F13A1: variants seen among roughly 807,000 people sequenced by gnomAD.
The protein encoded by F13A1 is coagulation factor XIII A chain.
F13A1 carries 47 observed loss-of-function variants against 80.1 expected under a neutral mutation model. The ratio of observed to expected loss-of-function variants is 0.59; its 90% CI spans 0.46 to 0.75. F13A1 has a LOEUF of 0.75. F13A1 is among the 30% of genes least tolerant of loss of function. The probability of loss-of-function intolerance (pLI) is 0.00; values close to 1 mark genes in which losing one functional copy is unlikely to be tolerated. For synonymous variants in F13A1, 349 were observed against 344.9 expected (o/e 1.01, Z -0.13); for missense variants, 817 against 930.4 (o/e 0.88, Z 1.59).
chr6:6,157,632 A>G (rs1760499228), intron 13 of F13A1, among the ~76,000 whole-genome samples: 1 of 152,220 alleles, frequency 6.6e-6, no homozygotes, highest in African/African-American at 2.4e-5. Flanking sequence ...TCTATGCCAG[A>G]GTAAAATGTG....
intron 4 of F13A1, among the ~76,000 whole-genome samples, chr6:6,263,214 G>A (rs900778072): frequency 2.0e-5 from 3 of 152,086 alleles, no homozygotes; most frequent in Non-Finnish European, 2.9e-5. Flanking sequence ...GCCATCTCCC[G>A]CCGTCTCTAC....
chr6:6,284,777 C>T (rs546195822), intron 3 of F13A1, among the ~76,000 whole-genome samples: 4 of 152,326 alleles, frequency 2.6e-5, no homozygotes, highest in South Asian at 4.1e-4. Context: ...GTACATACTT[C>T]GTAGCCCTCT....
At chr6:6,248,001 T>G (rs1181165429) in intron 6 of F13A1, among the ~76,000 whole-genome samples, 1 of 152,230 alleles carries the variant, frequency 6.6e-6, no homozygotes, top group African/African-American at 2.4e-5. Context: ...GTCATTGACA[T>G]TTTTGTCATG....
intron 11 of F13A1, among the ~76,000 whole-genome samples, chr6:6,179,221 G>A (rs1760936183): frequency 6.6e-6 from 1 of 152,174 alleles, no homozygotes; most frequent in African/African-American, 2.4e-5. Context: ...TGTTATCAAA[G>A]AAGATATATT....
intron 7 of F13A1, among the ~76,000 whole-genome samples, chr6:6,223,563 G>A (rs928184616): frequency 6.6e-6 from 1 of 152,038 alleles, no homozygotes; most frequent in African/African-American, 2.4e-5. Context: ...CTATACTTTT[G>A]ATTTTCATTG....
chr6:6,219,339 A>C (rs1757154794), intron 8 of F13A1, among the ~76,000 whole-genome samples: 1 of 131,904 alleles, frequency 7.6e-6, no homozygotes, highest in African/African-American at 2.9e-5. Context: ...CCTCACCCTC[A>C]CCCTTCCTCA....
intron 3 of F13A1, among the ~76,000 whole-genome samples, chr6:6,299,347 C>T (rs1371822466): frequency 1.2e-4 from 15 of 126,870 alleles, no homozygotes; most frequent in Admixed American, 3.2e-4. Context: ...AGAGTGTTTT[C>T]CAACTTGGTT....
Position 6,218,050 on chromosome 6 carries a change from G to A in F13A1, c.1112+3983C>T, listed in dbSNP as rs114012585. On this transcript the variant is annotated intron_variant, in intron 8 of 14. Transcript: ENST00000264870. ...CTCCCCCTGTGGGTGGGTGCATTCC[G>A]GTGGGGAAAAGCTGAGAGGAGGACA... 4.1e-3 allele frequency among the ~76,000 whole-genome samples: 627 copies of A among 152,224 alleles called. 2 individuals carry two copies. The highest frequency in any genetic ancestry group is 6.6e-3 in the Non-Finnish European group (449 of 68,008).
intron 14 of F13A1, among the ~76,000 whole-genome samples, chr6:6,149,975 G>A (rs1037215938): frequency 1.3e-5 from 2 of 152,198 alleles, no homozygotes; most frequent in African/African-American, 2.4e-5. Context: ...TTTTGAGCCT[G>A]AGGCCTCCCA....
intron 2 of F13A1, among the ~76,000 whole-genome samples, chr6:6,318,206 G>T (rs919302329): frequency 1.3e-5 from 2 of 152,196 alleles, no homozygotes; most frequent in Non-Finnish European, 2.9e-5. Context: ...ATTCTCTAAA[G>T]CATTGAGCAG....
intron 8 of F13A1, among the ~76,000 whole-genome samples, chr6:6,211,392 C>T (rs1053158865): frequency 5.9e-5 from 9 of 152,136 alleles, no homozygotes. Flanking sequence ...ATATGGTTAA[C>T]AAGAAAATGT....
At chr6:6,149,138 G>A (rs1301897182) in intron 14 of F13A1, among the ~76,000 whole-genome samples, 1 of 152,128 alleles carries the variant, frequency 6.6e-6, no homozygotes, top group African/African-American at 2.4e-5. Context: ...AAGTTCTGGT[G>A]TTCTATTGCA....
chr6:6,178,662 C>T (rs563373368), intron 11 of F13A1, among the ~76,000 whole-genome samples: 189 of 151,688 alleles, frequency 1.2e-3, no homozygotes, highest in Non-Finnish European at 2.1e-3. Flanking sequence ...GAATGGAGCC[C>T]AAGGATAGAT....
intron 13 of F13A1, among the ~76,000 whole-genome samples, chr6:6,157,403 A>T (rs1246525064): frequency 6.6e-6 from 1 of 151,770 alleles, no homozygotes; most frequent in African/African-American, 2.4e-5. Flanking sequence ...CTATACTGTG[A>T]TCCCTGACAG....
Position 6,197,243 on chromosome 6 carries a change from G to A in F13A1, c.1196C>T (p.Thr399Ile). Residue 399 changes from threonine (T) to isoleucine (I), a missense_variant, in exon 9 of 15, where the codon ACC becomes ATC. Coordinates refer to ENST00000264870, the MANE Select transcript of F13A1 (RefSeq NM_000129.4). ...TTTACCATCGCTATTTTCCTGGGGG[G>A]TGCTGTCCACAGCTTGCCAGCCTCC... The part of the protein sequence containing the change: ...GFGGWQAVDS[T>I]PQENSDGMYR... The A allele has an allele frequency of 6.2e-7, 1 of 1,614,114 alleles. No individual in the cohort carries two copies. The highest frequency in any genetic ancestry group is 8.5e-7 in the Non-Finnish European group (1 of 1,179,986).
intron 10 of F13A1, among the ~76,000 whole-genome samples, chr6:6,182,835 C>G (rs1005079534): frequency 6.6e-6 from 1 of 152,150 alleles, no homozygotes; most frequent in Non-Finnish European, 1.5e-5. Context: ...AAATCAGTCC[C>G]CATCTGTTTC....
intron 14 of F13A1, among the ~76,000 whole-genome samples, chr6:6,147,069 TC>T (rs1760296028): frequency 6.6e-6 from 1 of 152,118 alleles, no homozygotes; most frequent in Non-Finnish European, 1.5e-5. Context: ...AAACCAAACA[TC>T]CTATGTTCTC....
intron 13 of F13A1, among the ~76,000 whole-genome samples, chr6:6,159,211 T>C (rs1280353195): frequency 6.6e-6 from 1 of 152,094 alleles, no homozygotes; most frequent in East Asian, 1.9e-4. Context: ...GTTTCCCCAA[T>C]TTTAATGTGT....
chr6:6,225,741 G>T (rs895037909), intron 6 of F13A1, among the ~76,000 whole-genome samples: 1 of 152,124 alleles, frequency 6.6e-6, no homozygotes, highest in African/African-American at 2.4e-5. Flanking sequence ...GGGCTCAAGT[G>T]ATTCTCCTGC....
Sources: gnomAD v4.1 joint callset for allele counts (sites outside exome capture counted in the v4.1 genomes callset) on GRCh38, gnomAD v4.1.1 for gene constraint, MANE v1.5 for transcripts, NCBI Gene and HGNC (gene_info 2026-07-23, HGNC 2026-07-21) for gene names.